The following RPL22 variants were observed in gnomAD, a reference collection of about 807,000 sequenced individuals.
The protein encoded by RPL22 is ribosomal protein L22, also known as large ribosomal subunit protein eL22.
RPL22 carries 4 observed loss-of-function variants against 16.2 expected under a neutral mutation model. The observed-to-expected ratio is 0.25, with a 90% CI of 0.12 to 0.57. The LOEUF is 0.57. Among genes scored for constraint, RPL22 ranks in the 20% least tolerant of loss-of-function variants. The pLI, the probability that RPL22 is intolerant of heterozygous loss-of-function variation, is 0.92. For missense variants in RPL22, 83 were observed against 156.1 expected (o/e 0.53, Z 2.49); for synonymous variants, 43 against 54.8 (o/e 0.78, Z 0.95).
intron 2 of RPL22, among the ~76,000 whole-genome samples, chr1:6,194,710 G>A (rs1667693393): frequency 6.6e-6 from 1 of 152,112 alleles, no homozygotes; most frequent in Non-Finnish European, 1.5e-5. Flanking sequence ...AACTTAGGAA[G>A]ACCCTTCCTC....
Position 6,185,469 on chromosome 1 carries a change from A to C in RPL22, c.*1203T>G, listed in dbSNP as rs184565987. ...AAATTGCAAAGCCTCAACACGTTCA[A>C]CTCAATCCACAGAGCACCAAATGTT... is the stretch of plus-strand genomic sequence containing the variant. On this transcript the variant is annotated 3_prime_UTR_variant, in exon 4 of 4. Transcript: ENST00000234875. 2.5e-6 allele frequency: 1 copy of C among 398,148 alleles called. No individual in the cohort carries two copies. Among genetic ancestry groups the C allele is most frequent in the East Asian group, 3.6e-5 (1 of 28,056 alleles). 24.7% of individuals were successfully genotyped at this position (398,148 alleles called of 1,614,324 possible).
intron 3 of RPL22, among the ~76,000 whole-genome samples, chr1:6,190,055 C>T (rs1219720604): frequency 6.6e-6 from 1 of 152,192 alleles, no homozygotes; most frequent in Non-Finnish European, 1.5e-5. Context: ...GATTAAGGCA[C>T]CTTCCCTACT....
intron 3 of RPL22, among the ~76,000 whole-genome samples, chr1:6,188,612 CCT>C (rs2100901718): frequency 6.6e-6 from 1 of 152,026 alleles, no homozygotes; most frequent in East Asian, 1.9e-4. Context: ...CTTCCGTGGC[CCT>C]GAGGCTATTC....
intron 2 of RPL22, among the ~76,000 whole-genome samples, chr1:6,195,446 CAAAAA>C: frequency 2.9e-5 from 2 of 67,814 alleles, no homozygotes; most frequent in South Asian, 4.4e-4. Flanking sequence ...GACTCCGTCT[CAAAAA>C]AAAAAAAAAA....
chr1:6,197,640 G>C lies in RPL22; in HGVS notation c.117+12C>G, dbSNP rs1667737367. 6.4e-6 allele frequency: 10 copies of C among 1,560,086 alleles called. No individual in the cohort carries two copies. Among genetic ancestry groups the C allele is most frequent in the African/African-American group, 1.4e-5 (1 of 73,900 alleles). On this transcript the variant is annotated intron_variant, in intron 2 of 3. Coordinates refer to ENST00000234875, the MANE Select transcript of RPL22 (RefSeq NM_000983.4). Reference sequence around the variant, plus strand: ...TCGTGACCACCCGAGTGGCAATAAGGATGTAACTTACAAAATTGGCAGCAT... The same window carrying C: ...TCGTGACCACCCGAGTGGCAATAAGCATGTAACTTACAAAATTGGCAGCAT...
In RPL22 at chr1:6,189,944, C is replaced by T. The variant is rs558932816; in HGVS notation, c.242+2986G>A. Among the ~76,000 whole-genome samples the T allele has an allele frequency of 8.5e-5, 13 of 152,092 alleles. No individual in the cohort carries two copies. The East Asian group carries it at 1.4e-3, about 16-fold the overall frequency. ...TTCAAAAATATAAATAAATAAAAAC[C>T]CTGTACAAATTCAGAGACAGAAAAA... On this transcript the variant is annotated intron_variant, in intron 3 of 3. Coordinates refer to ENST00000234875, the MANE Select transcript of RPL22 (RefSeq NM_000983.4).
chr1:6,187,470 C>G (rs1667596682), intron 3 of RPL22, among the ~76,000 whole-genome samples: 1 of 151,824 alleles, frequency 6.6e-6, no homozygotes, highest in African/African-American at 2.4e-5. Flanking sequence ...AAAAATTAGC[C>G]AGACGTCGTG....
intron 3 of RPL22, among the ~76,000 whole-genome samples, chr1:6,189,129 C>T (rs1421460054): frequency 6.6e-6 from 1 of 150,786 alleles, no homozygotes; most frequent in Non-Finnish European, 1.5e-5. Flanking sequence ...CATGAACCAA[C>T]AGACTCACCA....
rs1667573238 is a variant in RPL22 at position 6,185,539 on chromosome 1, C to G, written c.*1133G>C. 2.5e-6 allele frequency: 1 copy of G among 395,652 alleles called. No homozygotes were observed. The allele number at this position is 395,652 out of a possible 1,614,324, so 24.5% of individuals were successfully genotyped here. On this transcript the variant is annotated 3_prime_UTR_variant, in exon 4 of 4. Transcript: ENST00000234875. ...ACTGAGCATTGAACTTCCAGCTATG[C>G]AACTCGCAGGGCACAATTTCAAGTG...
In RPL22 at chr1:6,185,608, A is replaced by G. The variant is rs1246954003; in HGVS notation, c.*1064T>C. 1 of 376,688 alleles carries G rather than the reference A, an allele frequency of 2.7e-6. No individual in the cohort carries two copies. The highest frequency in any genetic ancestry group is 4.5e-5 in the Admixed American group (1 of 22,032). 23.3% of individuals were successfully genotyped at this position (376,688 alleles called of 1,614,324 possible). A position where few individuals can be genotyped will look rare whatever the true frequency, so the allele number is the denominator to read the frequency against. ...AAGCTCTTTTAAAAACATGAATTTT[A>G]GACACCGTAAATTCTAATGCAGACA... On this transcript the variant is annotated 3_prime_UTR_variant, in exon 4 of 4. Coordinates refer to ENST00000234875, the MANE Select transcript of RPL22 (RefSeq NM_000983.4).
chr1:6,197,433 AGCCCATC>A (rs1667734212), intron 2 of RPL22, among the ~76,000 whole-genome samples: 1 of 152,216 alleles, frequency 6.6e-6, no homozygotes, highest in Admixed American at 6.5e-5. Context: ...GCTTATTCTA[AGCCCATC>A]TCCTTTTACT....
At chr1:6,199,401 G>A in intron 1 of RPL22, 161 bp downstream of exon 1, 2 of 1,377,608 alleles carry the variant, frequency 1.5e-6, no homozygotes, top group Non-Finnish European at 9.5e-7. Context: ...CCTACAACGT[G>A]CTGGGATCGG....
chr1:6,191,086 G>A lies in RPL22; in HGVS notation c.242+1844C>T, dbSNP rs559454589. Among the ~76,000 whole-genome samples, 17 of 152,038 alleles carry A rather than the reference G, an allele frequency of 1.1e-4. No individual in the cohort carries two copies. In the South Asian group the frequency reaches 3.1e-3, roughly 28 times the overall value. ...TAAAAATACAATAATTAGGCCGGGCGCGGTGGCTCACGCCTGTAATCCCAG... is the reference window on the plus strand; with the variant it reads ...TAAAAATACAATAATTAGGCCGGGCACGGTGGCTCACGCCTGTAATCCCAG... On this transcript the variant is annotated intron_variant, in intron 3 of 3. Coordinates refer to ENST00000234875, the MANE Select transcript of RPL22 (RefSeq NM_000983.4).
At chr1:6,196,128 G>C (rs1423249214) in intron 2 of RPL22, among the ~76,000 whole-genome samples, 1 of 152,190 alleles carries the variant, frequency 6.6e-6, no homozygotes, top group Admixed American at 6.6e-5. Context: ...GGGGCACAGA[G>C]TGATTAGGTC....
In RPL22 at chr1:6,197,869, C is replaced by T. The variant is rs78059059; in HGVS notation, c.13-113G>A. On this transcript the variant is annotated intron_variant, in intron 1 of 3. Coordinates refer to ENST00000234875, the MANE Select transcript of RPL22 (RefSeq NM_000983.4). ...AAAGTCCATACAAATACAAAACTAA[C>T]GGAAGTGTGCTCCCTTTGCCAGAGG... is the stretch of plus-strand genomic sequence containing the variant. 3,312 of 793,310 alleles carry T rather than the reference C, an allele frequency of 4.2e-3. 17 individuals carry two copies. Among genetic ancestry groups the T allele is most frequent in the Non-Finnish European group, 5.8e-3 (2,747 of 476,792 alleles). 49.1% of individuals were successfully genotyped at this position (793,310 alleles called of 1,614,324 possible). A position where few individuals can be genotyped will look rare whatever the true frequency, so the allele number is the denominator to read the frequency against.
intron 1 of RPL22, 75 bp from the exon 2 acceptor site, chr1:6,197,831 C>T: frequency 9.5e-7 from 1 of 1,056,242 alleles, no homozygotes; most frequent in Non-Finnish European, 1.5e-6. Flanking sequence ...GAACCAGAAA[C>T]GTCATAGGTA....
chr1:6,199,575 G>C lies in RPL22; in HGVS notation c.-2C>G. Reference sequence around the variant, plus strand: ...AGCCATACTAACCACAGGAGCCATGGCGGCAGCGGAGTTAGAAAGGGAGGT... The same window carrying C: ...AGCCATACTAACCACAGGAGCCATGCCGGCAGCGGAGTTAGAAAGGGAGGT... On this transcript the variant is annotated 5_prime_UTR_variant, in exon 1 of 4. Transcript: ENST00000234875. 6.4e-7 allele frequency: 1 copy of C among 1,568,782 alleles called. No individual in the cohort carries two copies. Among genetic ancestry groups the C allele is most frequent in the Non-Finnish European group, 8.6e-7 (1 of 1,157,004 alleles).
intron 3 of RPL22, among the ~76,000 whole-genome samples, chr1:6,189,609 G>C (rs1667624059): frequency 7.8e-6 from 1 of 128,118 alleles, no homozygotes; most frequent in Non-Finnish European, 1.5e-5. Context: ...AAAAAAATCA[G>C]GTTAAAAAAA....
rs996978141 is a variant in RPL22 at position 6,199,202 on chromosome 1, G to A, written c.12+360C>T. The stretch of plus-strand genomic sequence containing the variant: ...ACTTCCGAATGCGCGGCTCCCCAGG[G>A]TAGCAGGTCCCGTTCTTCTTCCCCG... On this transcript the variant is annotated intron_variant, in intron 1 of 3. Coordinates refer to ENST00000234875, the MANE Select transcript of RPL22 (RefSeq NM_000983.4). 1.6e-4 allele frequency: 46 copies of A among 280,118 alleles called. No individual in the cohort carries two copies. In the East Asian group the frequency reaches 2.6e-3, roughly 16 times the overall value. 17.4% of individuals were successfully genotyped at this position (280,118 alleles called of 1,614,324 possible). A position where few individuals can be genotyped will look rare whatever the true frequency, so the allele number is the denominator to read the frequency against.
Sources: allele counts gnomAD v4.1 joint callset (sites outside exome capture counted in the v4.1 genomes callset), GRCh38; gene constraint gnomAD v4.1.1; transcripts MANE v1.5; gene names NCBI Gene and HGNC (gene_info 2026-07-23, HGNC 2026-07-21).